Variants in TINAG observed in about 807,000 individuals in gnomAD.
TINAG encodes tubulointerstitial nephritis antigen.
A neutral mutation model predicts 72.7 loss-of-function variants in TINAG; 83 were observed. The observed-to-expected ratio is 1.14, with a 90% confidence interval of 0.96 to 1.37. The LOEUF is 1.37. Ranked by LOEUF, TINAG falls within the 40% of genes most tolerant of loss-of-function variation. The pLI is 0.00. For missense variants in TINAG, 685 were observed against 576.6 expected (o/e 1.19, Z -1.93); for synonymous variants, 234 against 189.9 (o/e 1.23, Z -1.91).
intron 5 of TINAG, among the ~76,000 whole-genome samples, chr6:54,343,998 T>C (rs1785063344): frequency 6.6e-6 from 1 of 152,208 alleles, no homozygotes; most frequent in African/African-American, 2.4e-5. Flanking sequence ...AGTTACAGGC[T>C]AACCCTCAAA....
chr6:54,310,508 CTTTCTTTCT>C (rs1345303004), intron 1 of TINAG, among the ~76,000 whole-genome samples: 7 of 142,460 alleles, frequency 4.9e-5, no homozygotes, highest in Non-Finnish European at 7.7e-5. Context: ...CTTTCTTTCT[CTTTCTTTCT>C]TTTCTTTCTT....
At chr6:54,367,373 T>C (rs577070930) in intron 9 of TINAG, among the ~76,000 whole-genome samples, 12 of 151,820 alleles carry the variant, frequency 7.9e-5, no homozygotes, top group Non-Finnish European at 1.8e-4. Flanking sequence ...GTTTTCCTGA[T>C]GCACTTTGGC....
At chr6:54,370,733 G>T (rs139546545) in intron 9 of TINAG, among the ~76,000 whole-genome samples, 1 of 152,062 alleles carries the variant, frequency 6.6e-6, no homozygotes, top group African/African-American at 2.4e-5. Context: ...GAGTAGAGGT[G>T]CAGAGGGCCC....
intron 4 of TINAG, among the ~76,000 whole-genome samples, chr6:54,331,073 T>C (rs760628366): frequency 6.6e-6 from 1 of 151,986 alleles, no homozygotes; most frequent in Non-Finnish European, 1.5e-5. Context: ...TTCTAAACAA[T>C]AGAAAAAGAG....
At chr6:54,344,469 G>A (rs1311832992) in intron 5 of TINAG, among the ~76,000 whole-genome samples, 1 of 152,132 alleles carries the variant, frequency 6.6e-6, no homozygotes, top group Non-Finnish European at 1.5e-5. Context: ...TGATGGATAA[G>A]ACCAGATAAT....
rs537071628 is a variant in TINAG, at chr6:54,370,589, G to T, written c.1251-9937G>T. On this transcript the variant is annotated intron_variant, in intron 9 of 10. Coordinates refer to ENST00000259782, the MANE Select transcript of TINAG (RefSeq NM_014464.4). ...TGGAGATATGGAGATGAATAACATG[G>T]AGAGCCTTGGTAAATAAAATAAAGT... 2.6e-5 allele frequency among the ~76,000 whole-genome samples: 4 copies of T among 152,172 alleles called. No individual in the cohort carries two copies. In the South Asian group the frequency reaches 6.2e-4, roughly 24 times the overall value.
chr6:54,361,118 G>T (rs974654335), intron 9 of TINAG, among the ~76,000 whole-genome samples: 2 of 151,054 alleles, frequency 1.3e-5, no homozygotes, highest in African/African-American at 4.9e-5. Flanking sequence ...TAAATATTGT[G>T]TATGTTCTAA....
chr6:54,389,352 G>A (rs972581324), intron 10 of TINAG, among the ~76,000 whole-genome samples: 2 of 152,046 alleles, frequency 1.3e-5, no homozygotes, highest in Admixed American at 6.6e-5. Context: ...AAAATACTCT[G>A]TACTTATTTT....
chr6:54,361,738 A>T (rs1763243470), intron 9 of TINAG, among the ~76,000 whole-genome samples: 1 of 151,708 alleles, frequency 6.6e-6, no homozygotes, highest in Non-Finnish European at 1.5e-5. Context: ...ACCCTCTTGT[A>T]CTAAAAAATT....
At chr6:54,385,879 ATTTTTTTT>A (rs557831982) in intron 10 of TINAG, among the ~76,000 whole-genome samples, 2 of 80,762 alleles carry the variant, frequency 2.5e-5, no homozygotes, top group East Asian at 3.9e-4. Flanking sequence ...AAAAAACATG[ATTTTTTTT>A]TTTTTTTTTT....
At chr6:54,362,693 C>A (rs189353620) in intron 9 of TINAG, among the ~76,000 whole-genome samples, 28 of 151,444 alleles carry the variant, frequency 1.8e-4, no homozygotes, top group African/African-American at 6.8e-4. Context: ...ATAATTATTT[C>A]TCTGATGGAT....
At chr6:54,362,580 T>C (rs1477533444) in intron 9 of TINAG, among the ~76,000 whole-genome samples, 1 of 151,674 alleles carries the variant, frequency 6.6e-6, no homozygotes, top group Non-Finnish European at 1.5e-5. Flanking sequence ...TCTTCATGTG[T>C]GCTAACACAA....
rs1376710582 is a variant in TINAG at position 54,389,968 on chromosome 6, C to T, written c.*43C>T. The T allele has an allele frequency of 1.3e-6, 2 of 1,588,258 alleles. No homozygotes were observed. The highest frequency in any genetic ancestry group is 2.3e-5 in the East Asian group (1 of 44,142). ...ATAAGGTCATGCCTTTAAGTAACCC[C>T]CTAAATTGAAGTTTAGCAATATGAC... On this transcript the variant is annotated 3_prime_UTR_variant, in exon 11 of 11. Coordinates refer to ENST00000259782, the MANE Select transcript of TINAG (RefSeq NM_014464.4).
At chr6:54,366,922 A>G (rs1361134025) in intron 9 of TINAG, 1 of 151,680 alleles carries the variant, frequency 6.6e-6, no homozygotes, top group East Asian at 1.9e-4. Context: ...GTAAGTGTAG[A>G]GCAAGGAGGA....
chr6:54,357,250 T>C (rs1376489796), intron 9 of TINAG, among the ~76,000 whole-genome samples: 9 of 151,936 alleles, frequency 5.9e-5, no homozygotes, highest in Non-Finnish European at 1.2e-4. Flanking sequence ...TTTCTTAACG[T>C]TGACATGCCC....
chr6:54,386,697 T>C (rs912059336), intron 10 of TINAG, among the ~76,000 whole-genome samples: 24 of 151,716 alleles, frequency 1.6e-4, no homozygotes, highest in African/African-American at 4.8e-5. Flanking sequence ...TGCCAATACA[T>C]AGGTCACAGA....
At chr6:54,374,749 C>T (rs1197062799) in intron 9 of TINAG, among the ~76,000 whole-genome samples, 2 of 152,020 alleles carry the variant, frequency 1.3e-5, no homozygotes, top group Non-Finnish European at 2.9e-5. Flanking sequence ...TTTCTTTATC[C>T]TGATAGCCTA....
rs545161456 is a variant in TINAG at position 54,347,985 on chromosome 6, C to T, written c.899+468C>T. ...ATCAGTATTGTTCATTAATTTTCTC[C>T]ACTCCATTTGATGAAAAATGGGGGC... On this transcript the variant is annotated intron_variant, in intron 6 of 10. Transcript: ENST00000259782. Among the ~76,000 whole-genome samples, 9 of 152,196 alleles carry T rather than the reference C, an allele frequency of 5.9e-5. No homozygotes were observed. In the South Asian group the frequency reaches 1.7e-3, roughly 28 times the overall value.
At chr6:54,388,727 T>C (rs1764168676) in intron 10 of TINAG, among the ~76,000 whole-genome samples, 1 of 152,104 alleles carries the variant, frequency 6.6e-6, no homozygotes, top group African/African-American at 2.4e-5. Flanking sequence ...ATCACACACT[T>C]ATTCGTTCAA....
Sources: gnomAD v4.1 joint callset for allele counts (sites outside exome capture counted in the v4.1 genomes callset) on GRCh38, gnomAD v4.1.1 for gene constraint, MANE v1.5 for transcripts, NCBI Gene and HGNC (gene_info 2026-07-23, HGNC 2026-07-21) for gene names.